MUSK: variants seen among roughly 807,000 people sequenced by gnomAD.
MUSK encodes the protein muscle associated receptor tyrosine kinase.
A neutral mutation model predicts 88.7 loss-of-function variants in MUSK; 55 were observed. The ratio of observed to expected loss-of-function variants is 0.62; its 90% CI spans 0.50 to 0.78. The LOEUF is 0.78. MUSK is among the 30% of genes least tolerant of loss of function. The pLI, the probability that MUSK is intolerant of heterozygous loss-of-function variation, is 0.00. For missense variants in MUSK, 1,015 were observed against 1,074.3 expected (o/e 0.94, Z 0.77); for synonymous variants, 387 against 391.9 (o/e 0.99, Z 0.15).
chr9:110,701,610 T>G, intron 5 of MUSK, among the ~76,000 whole-genome samples: 1 of 151,876 alleles, frequency 6.6e-6, no homozygotes, highest in Non-Finnish European at 1.5e-5. Flanking sequence ...CCTCAGCTTC[T>G]TGATTAGCTG....
At chr9:110,669,047 A>G in intron 1 of MUSK, 64 bp downstream of exon 1, 1 of 1,391,742 alleles carries the variant, frequency 7.2e-7, no homozygotes, top group Non-Finnish European at 1.0e-6. Flanking sequence ...TGTATATGAG[A>G]TATGACCAAG....
intron 3 of MUSK, among the ~76,000 whole-genome samples, chr9:110,689,674 T>TATAATATATAACTATATATATAA (rs370936018): frequency 1.4e-5 from 1 of 72,368 alleles, no homozygotes; most frequent in East Asian, 4.6e-4. Context: ...CATAGTATAT[T>TATAATATATAACTATATATATAA]ATATATAACT....
At position 110,746,743 on chromosome 9, in the gene MUSK, G is replaced by A. The variant is rs985253044; in HGVS notation, c.754-898G>A. Among the ~76,000 whole-genome samples, 5 of 152,140 alleles carry A rather than the reference G, an allele frequency of 3.3e-5. No individual in the cohort carries two copies. The East Asian group carries it at 7.7e-4, about 23-fold the overall frequency. The stretch of plus-strand genomic sequence containing the variant: ...CCTGGATGAAGTCCAGGAGAAGAGA[G>A]GTCAGGCAGTTTAAAAACTGCTTCT... On this transcript the variant is annotated intron_variant, in intron 6 of 14. Coordinates refer to ENST00000374448, the MANE Select transcript of MUSK (RefSeq NM_005592.4).
intron 2 of MUSK, among the ~76,000 whole-genome samples, chr9:110,683,574 T>C (rs973092731): frequency 6.6e-6 from 1 of 152,142 alleles, no homozygotes; most frequent in Non-Finnish European, 1.5e-5. Context: ...CCATAGTGGT[T>C]GTACCAATTT....
At chr9:110,672,663 A>G (rs1380695234) in intron 1 of MUSK, among the ~76,000 whole-genome samples, 1 of 150,220 alleles carries the variant, frequency 6.7e-6, no homozygotes, top group Non-Finnish European at 1.5e-5. Flanking sequence ...TGTTGTACTA[A>G]AAAAAAAATA....
intron 5 of MUSK, among the ~76,000 whole-genome samples, chr9:110,721,746 A>C (rs1282299138): frequency 1.3e-5 from 2 of 152,164 alleles, no homozygotes; most frequent in East Asian, 3.9e-4. Flanking sequence ...AGCAATCCTA[A>C]AATTCATATG....
rs1443675686 is a variant in MUSK at position 110,784,848 on chromosome 9, T to A, written c.1418T>A (p.Val473Glu). ...FPPMTSSKPS[V>E]DIPNLPSSSS... ...CCAATGACGTCCTCAAAGCCAAGTGTGGACATTCCAAATCTGCCTTCCTCC... is the reference window on the plus strand; with the variant it reads ...CCAATGACGTCCTCAAAGCCAAGTGAGGACATTCCAAATCTGCCTTCCTCC... The change falls in exon 12 of 15, where the codon GTG (valine) becomes GAG (glutamate). Residue 473 changes from valine to glutamate, a missense_variant. Physicochemically the swap from Val to Glu is moderately radical, Grantham distance 121. Transcript: ENST00000374448. 4 of 1,613,774 alleles carry A rather than the reference T, an allele frequency of 2.5e-6. No individual in the cohort carries two copies. Among genetic ancestry groups the A allele is most frequent in the Non-Finnish European group, 2.5e-6 (3 of 1,179,778 alleles).
chr9:110,788,703 T>A (rs1481282631), intron 14 of MUSK, among the ~76,000 whole-genome samples: 6 of 147,866 alleles, frequency 4.1e-5, no homozygotes, highest in Admixed American at 1.3e-4. Flanking sequence ...AGACAGATAA[T>A]AAAAAAAAAA....
At chr9:110,681,708 G>A (rs1282120927) in intron 1 of MUSK, among the ~76,000 whole-genome samples, 1 of 151,886 alleles carries the variant, frequency 6.6e-6, no homozygotes, top group Non-Finnish European at 1.5e-5. Context: ...CAGCAGATGA[G>A]CTTGCCTTTG....
At chr9:110,770,575 C>T (rs79972276) in intron 9 of MUSK, among the ~76,000 whole-genome samples, 2,450 of 149,918 alleles carry the variant, frequency 0.016, 43 homozygotes, top group South Asian at 0.072. Context: ...CCAATGTCCA[C>T]ATGTAAATAC....
intron 3 of MUSK, among the ~76,000 whole-genome samples, chr9:110,689,718 TG>T (rs1396378857): frequency 3.9e-5 from 2 of 51,662 alleles, no homozygotes; most frequent in African/African-American, 1.3e-4. Flanking sequence ...TAACTATATA[TG>T]TTATATATAG....
At chr9:110,764,196 GGT>G (rs1472843502) in intron 8 of MUSK, among the ~76,000 whole-genome samples, 1 of 152,156 alleles carries the variant, frequency 6.6e-6, no homozygotes, top group Admixed American at 6.5e-5. Flanking sequence ...TCTGTCCCAC[GGT>G]TCTAATGAGC....
chr9:110,706,578 T>C (rs1272276469), intron 5 of MUSK, among the ~76,000 whole-genome samples: 1 of 152,106 alleles, frequency 6.6e-6, no homozygotes, highest in Non-Finnish European at 1.5e-5. Flanking sequence ...GATATGGCAG[T>C]GGAACATGCT....
chr9:110,771,161 CT>C (rs34185224), intron 9 of MUSK, among the ~76,000 whole-genome samples: 59 of 96,434 alleles, frequency 6.1e-4, no homozygotes, highest in East Asian at 2.3e-3. Flanking sequence ...TCATTTCCTT[CT>C]TTTTTTTTTT....
At chr9:110,717,763 T>C (rs2076763470) in intron 5 of MUSK, among the ~76,000 whole-genome samples, 1 of 137,566 alleles carries the variant, frequency 7.3e-6, no homozygotes, top group East Asian at 2.0e-4. Flanking sequence ...TTGTCCTATG[T>C]CTTCTTACAT....
At position 110,801,931 on chromosome 9, in the gene MUSK, CT is replaced by C. The variant is rs150861814; in HGVS notation, c.*947del. Among the ~76,000 whole-genome samples, 1 of 152,130 alleles carries C rather than the reference CT, an allele frequency of 6.6e-6. No individual in the cohort carries two copies. Among genetic ancestry groups the C allele is most frequent in the African/African-American group, 2.4e-5 (1 of 41,486 alleles). ...CCATTGTAGATTGATATGTATATGC[CT>C]TTTGCAAAGTATTACTATTTTTCCT... is the stretch of plus-strand genomic sequence containing the variant. On this transcript the variant is annotated 3_prime_UTR_variant, in exon 15 of 15. Coordinates refer to ENST00000374448, the MANE Select transcript of MUSK (RefSeq NM_005592.4).
In MUSK at chr9:110,744,969, T is replaced by C. The variant is rs2077154958; in HGVS notation, c.754-2672T>C. On this transcript the variant is annotated intron_variant, in intron 6 of 14. Coordinates refer to ENST00000374448, the MANE Select transcript of MUSK (RefSeq NM_005592.4). ...AATGGAGGGCAGAGGGATTTGTTTT[T>C]ATTTTCAGATCATCAAAAATACTAA... 2.0e-5 allele frequency among the ~76,000 whole-genome samples: 3 copies of C among 152,358 alleles called. No homozygotes were observed. In the South Asian group the frequency reaches 6.2e-4, roughly 32 times the overall value.
chr9:110,724,838 T>G (rs1234705414), intron 5 of MUSK, among the ~76,000 whole-genome samples: 1 of 151,998 alleles, frequency 6.6e-6, no homozygotes, highest in Non-Finnish European at 1.5e-5. Flanking sequence ...ATAATTATTA[T>G]ATATCATCAT....
rs1339617495 is a variant in MUSK at position 110,681,091 on chromosome 9, A to G, written c.80-1583A>G. On this transcript the variant is annotated intron_variant, in intron 1 of 14. Coordinates refer to ENST00000374448, the MANE Select transcript of MUSK (RefSeq NM_005592.4). Reference sequence around the variant, plus strand: ...TAATATTATATATATTATATAATATATATTATATAATATATATTATATATA... The same window carrying G: ...TAATATTATATATATTATATAATATGTATTATATAATATATATTATATATA... Among the ~76,000 whole-genome samples the G allele has an allele frequency of 2.1e-4, 6 of 28,962 alleles. 2 individuals are homozygous for G. In the East Asian group the frequency reaches 7.8e-3, roughly 38 times the overall value. 19.0% of individuals were successfully genotyped at this position (28,962 alleles called of 152,430 possible). A position where few individuals can be genotyped will look rare whatever the true frequency, so the allele number is the denominator to read the frequency against.
Sources: gnomAD v4.1 joint callset for allele counts (sites outside exome capture counted in the v4.1 genomes callset) on GRCh38, gnomAD v4.1.1 for gene constraint, MANE v1.5 for transcripts, NCBI Gene and HGNC (gene_info 2026-07-23, HGNC 2026-07-21) for gene names.